HPSE2: variants seen among roughly 807,000 people sequenced by gnomAD.
HPSE2 encodes heparanase 2 (inactive).
In HPSE2, 38 loss-of-function variants were observed where a neutral mutation model predicts 60.5. The observed-to-expected ratio is 0.63, with a 90% CI of 0.48 to 0.82. HPSE2 has a LOEUF of 0.82. HPSE2 is among the 40% of genes least tolerant of loss of function. The probability of loss-of-function intolerance (pLI) is 0.00; values close to 1 mark genes in which losing one functional copy is unlikely to be tolerated. For missense variants in HPSE2, 713 were observed against 740.4 expected, an observed-to-expected ratio of 0.96 and a Z score of 0.43; for synonymous variants, 295 against 293.2, an observed-to-expected ratio of 1.01 and a Z score of -0.06.
At chr10:98,838,891 T>C (rs1416334685) in intron 3 of HPSE2, among the ~76,000 whole-genome samples, 2 of 152,194 alleles carry the variant, frequency 1.3e-5, no homozygotes, top group East Asian at 1.9e-4. Context: ...ACAATGCACA[T>C]ATAGGCTCAT....
intron 3 of HPSE2, among the ~76,000 whole-genome samples, chr10:99,058,726 A>AT (rs1958168805): frequency 6.6e-6 from 1 of 152,120 alleles, no homozygotes; most frequent in Non-Finnish European, 1.5e-5. Flanking sequence ...AAAGACTTTG[A>AT]TTTTTCTTTT....
At chr10:98,651,853 A>T (rs1946925775) in intron 6 of HPSE2, among the ~76,000 whole-genome samples, 1 of 151,266 alleles carries the variant, frequency 6.6e-6, no homozygotes, top group African/African-American at 2.4e-5. Flanking sequence ...GCTCACTGCA[A>T]CCTCCGCCTA....
intron 9 of HPSE2, among the ~76,000 whole-genome samples, chr10:98,522,265 A>G (rs142232364): frequency 1.3e-5 from 2 of 151,926 alleles, no homozygotes; most frequent in Non-Finnish European, 2.9e-5. Flanking sequence ...CAAAAAAAAA[A>G]CAATAAAACA....
chr10:99,006,933 G>C (rs568683923), intron 3 of HPSE2, among the ~76,000 whole-genome samples: 4 of 152,158 alleles, frequency 2.6e-5, no homozygotes, highest in Non-Finnish European at 5.9e-5. Context: ...ATGGAGCCTG[G>C]GGCTTCCAGA....
chr10:99,260,244 A>G, the HPSE2 span, among the ~76,000 whole-genome samples: 2 of 150,670 alleles, frequency 1.3e-5, no homozygotes, highest in South Asian at 4.2e-4. Flanking sequence ...GCTCCTACAA[A>G]AAAAAAAAAA....
intron 3 of HPSE2, among the ~76,000 whole-genome samples, chr10:98,867,061 T>C (rs1228523495): frequency 6.6e-6 from 1 of 152,112 alleles, no homozygotes; most frequent in Non-Finnish European, 1.5e-5. Flanking sequence ...GCACTGTAAT[T>C]TTTCAGCTTT....
chr10:98,467,162 GACCCAGT>G (rs1242941636), intron 11 of HPSE2, among the ~76,000 whole-genome samples: 1 of 152,034 alleles, frequency 6.6e-6, no homozygotes, highest in Non-Finnish European at 1.5e-5. Flanking sequence ...GCTCCCACAG[GACCCAGT>G]ACTTCTTGGA....
the HPSE2 span, among the ~76,000 whole-genome samples, chr10:99,258,928 G>A: frequency 6.6e-6 from 1 of 152,150 alleles, no homozygotes. Context: ...AAACATAGAA[G>A]TTCTTTATGA....
At chr10:98,795,313 C>T (rs895324084) in intron 3 of HPSE2, among the ~76,000 whole-genome samples, 11 of 152,204 alleles carry the variant, frequency 7.2e-5, no homozygotes, top group African/African-American at 2.7e-4. Context: ...AACACCAACC[C>T]TCCCACATCC....
chr10:99,077,251 T>G (rs757377408), intron 3 of HPSE2, among the ~76,000 whole-genome samples: 3 of 152,204 alleles, frequency 2.0e-5, no homozygotes, highest in Non-Finnish European at 4.4e-5. Context: ...GTCAAGTTTC[T>G]TTACCAGATT....
chr10:99,304,502 G>A, the HPSE2 span, among the ~76,000 whole-genome samples: 1 of 152,120 alleles, frequency 6.6e-6, no homozygotes, highest in South Asian at 2.1e-4. Context: ...TTCTTTCCTG[G>A]GCAAAGCCAA....
intron 3 of HPSE2, among the ~76,000 whole-genome samples, chr10:99,081,878 C>T (rs966883923): frequency 1.5e-4 from 23 of 152,034 alleles, no homozygotes; most frequent in Non-Finnish European, 2.5e-4. Context: ...CCACGTGATC[C>T]GCCCGCCTGG....
the HPSE2 span, among the ~76,000 whole-genome samples, chr10:99,296,808 G>A: frequency 1.3e-5 from 2 of 152,152 alleles, no homozygotes; most frequent in African/African-American, 4.8e-5. Flanking sequence ...AGTCAGTAGG[G>A]CAGTAGTCAA....
chr10:99,003,399 C>G (rs971962475), intron 3 of HPSE2, among the ~76,000 whole-genome samples: 5 of 152,030 alleles, frequency 3.3e-5, no homozygotes, highest in Non-Finnish European at 7.4e-5. Context: ...ATAGTTCTAT[C>G]TTCAGTTTTT....
At chr10:98,828,030 C>G (rs1287720762) in intron 3 of HPSE2, among the ~76,000 whole-genome samples, 1 of 152,208 alleles carries the variant, frequency 6.6e-6, no homozygotes, top group East Asian at 1.9e-4. Flanking sequence ...AGTCTGCCAG[C>G]AGACTGCCTT....
chr10:98,663,922 T>G (rs1245255049), intron 6 of HPSE2, among the ~76,000 whole-genome samples: 1 of 152,134 alleles, frequency 6.6e-6, no homozygotes, highest in Admixed American at 6.5e-5. Context: ...TCCAGCACGG[T>G]GACCTTGCCC....
intron 9 of HPSE2, among the ~76,000 whole-genome samples, chr10:98,564,069 C>T (rs1944269057): frequency 6.6e-6 from 1 of 152,200 alleles, no homozygotes; most frequent in Admixed American, 6.5e-5. Context: ...AGCCCTCCTC[C>T]CTTTAGTGAG....
At chr10:98,809,520 A>ACG (rs1951119152) in intron 3 of HPSE2, among the ~76,000 whole-genome samples, 1 of 149,138 alleles carries the variant, frequency 6.7e-6, no homozygotes, top group Non-Finnish European at 1.5e-5. Flanking sequence ...GTATGTGTTT[A>ACG]TGTGTATATA....
chr10:99,131,590 C>A (rs1845386441), intron 3 of HPSE2, among the ~76,000 whole-genome samples: 1 of 152,032 alleles, frequency 6.6e-6, no homozygotes, highest in African/African-American at 2.4e-5. Context: ...AGACCATTTG[C>A]AGCAACTTGG....
Sources: gnomAD v4.1 joint callset for allele counts (sites outside exome capture counted in the v4.1 genomes callset) on GRCh38, gnomAD v4.1.1 for gene constraint, MANE v1.5 for transcripts, NCBI Gene and HGNC (gene_info 2026-07-23, HGNC 2026-07-21) for gene names.